The following SLC38A1 variants were observed in gnomAD, a reference collection of about 807,000 sequenced individuals.
SLC38A1 encodes solute carrier family 38 member 1.
SLC38A1 carries 18 observed loss-of-function variants against 60.3 expected under a neutral mutation model. The ratio of observed to expected loss-of-function variants is 0.30; its 90% CI spans 0.21 to 0.44. The LOEUF is 0.44. Ranked by LOEUF, SLC38A1 falls within the 20% of genes least tolerant of loss-of-function variation. SLC38A1 has a pLI of 1.00. For missense variants in SLC38A1, 448 were observed against 587.2 expected (o/e 0.76, Z 2.45); for synonymous variants, 196 against 212.1 (o/e 0.92, Z 0.66).
intron 5 of SLC38A1, among the ~76,000 whole-genome samples, chr12:46,228,058 C>T (rs986373934): frequency 6.6e-6 from 1 of 152,148 alleles, no homozygotes; most frequent in Non-Finnish European, 1.5e-5. Flanking sequence ...TAGAAAGATG[C>T]ATTCAGAGTG....
chr12:46,223,206 A>C (rs138400730), intron 5 of SLC38A1, among the ~76,000 whole-genome samples: 1 of 152,240 alleles, frequency 6.6e-6, no homozygotes, highest in Non-Finnish European at 1.5e-5. Context: ...CCTACTTTCT[A>C]ATGTGTGATC....
intron 1 of SLC38A1, among the ~76,000 whole-genome samples, chr12:46,249,992 G>T (rs1317222003): frequency 6.6e-6 from 1 of 152,054 alleles, no homozygotes; most frequent in East Asian, 1.9e-4. Flanking sequence ...ATTTTATGAG[G>T]CCCTCATCAT....
chr12:46,209,017 C>T (rs1440092711), intron 6 of SLC38A1, 37 bp downstream of exon 6: 1 of 1,427,746 alleles, frequency 7.0e-7, no homozygotes, highest in Non-Finnish European at 9.8e-7. Flanking sequence ...AATAATTCAC[C>T]CTGGTTTTAA....
chr12:46,228,306 T>C (rs148295266), intron 5 of SLC38A1, among the ~76,000 whole-genome samples: 120 of 152,334 alleles, frequency 7.9e-4, no homozygotes, highest in Non-Finnish European at 1.4e-3. Context: ...TGAAAGGATA[T>C]CCACAGTTTG....
chr12:46,202,979 A>G (rs752703882), intron 12 of SLC38A1, 31 bp downstream of exon 12: 1 of 1,563,936 alleles, frequency 6.4e-7, no homozygotes, highest in African/African-American at 1.4e-5. Flanking sequence ...ATGTAAAACG[A>G]TTAAGATAAA....
In SLC38A1 at chr12:46,239,777, G is replaced by A. The variant is rs775250368; in HGVS notation, c.24C>T (p.Leu8=). The A allele has an allele frequency of 1.6e-5, 26 of 1,612,778 alleles. No individual in the cohort carries two copies. In the South Asian group the frequency reaches 1.9e-4, roughly 12 times the overall value. Residue 8 remains leucine, a synonymous_variant, in exon 3 of 17, where the codon CTC becomes CTT. Transcript: ENST00000398637. Reference sequence around the variant, plus strand: ...TCATGTTTTGCAACTCAGTTAATTCGAGTCCACTTTTGAAATGCATCATGA... The same window carrying A: ...TCATGTTTTGCAACTCAGTTAATTCAAGTCCACTTTTGAAATGCATCATGA... MMHFKSG[L]ELTELQNMTV...
At chr12:46,198,401 C>A (rs1477828245) in intron 14 of SLC38A1, among the ~76,000 whole-genome samples, 1 of 152,122 alleles carries the variant, frequency 6.6e-6, no homozygotes, top group Non-Finnish European at 1.5e-5. Flanking sequence ...AGAACAGGGT[C>A]AGATTAATTA....
At chr12:46,215,792 G>T (rs1940383725) in intron 5 of SLC38A1, among the ~76,000 whole-genome samples, 1 of 152,122 alleles carries the variant, frequency 6.6e-6, no homozygotes, top group Admixed American at 6.5e-5. Flanking sequence ...GATCCAGTTA[G>T]AAGTATAAAA....
chr12:46,261,460 A>T (rs748746403), intron 1 of SLC38A1, among the ~76,000 whole-genome samples: 9 of 152,210 alleles, frequency 5.9e-5, no homozygotes, highest in Non-Finnish European at 1.0e-4. Context: ...GGTGACAGTA[A>T]ACACATGTTA....
At chr12:46,267,400 T>C (rs1592167902) in intron 1 of SLC38A1, 1 of 152,276 alleles carries the variant, frequency 6.6e-6, no homozygotes, top group Non-Finnish European at 1.5e-5. Context: ...AGCACCACCT[T>C]CCCCAGCCCA....
intron 1 of SLC38A1, among the ~76,000 whole-genome samples, chr12:46,244,323 C>G (rs1170926118): frequency 6.6e-6 from 1 of 152,186 alleles, no homozygotes; most frequent in African/African-American, 2.4e-5. Flanking sequence ...GTACCAAGGA[C>G]AGTACTGGCA....
intron 2 of SLC38A1, among the ~76,000 whole-genome samples, chr12:46,240,427 C>T (rs907168896): frequency 6.6e-6 from 1 of 152,170 alleles, no homozygotes; most frequent in Non-Finnish European, 1.5e-5. Flanking sequence ...AACTACTGAC[C>T]TCAGGTGATC....
intron 1 of SLC38A1, among the ~76,000 whole-genome samples, chr12:46,266,448 GCTGTTCCTTCTTC>G (rs1399466681): frequency 1.3e-5 from 2 of 151,966 alleles, no homozygotes; most frequent in Non-Finnish European, 2.9e-5. Context: ...ATAAGTACTT[GCTGTTCCTTCTTC>G]CTGTTCCTTC....
At chr12:46,252,085 A>G (rs1431886021) in intron 1 of SLC38A1, among the ~76,000 whole-genome samples, 2 of 152,172 alleles carry the variant, frequency 1.3e-5, no homozygotes, top group Non-Finnish European at 2.9e-5. Context: ...CTTGGAACCA[A>G]CCCAAATGTC....
At chr12:46,266,870 T>C (rs1364924617) in intron 1 of SLC38A1, among the ~76,000 whole-genome samples, 2 of 152,148 alleles carry the variant, frequency 1.3e-5, no homozygotes, top group African/African-American at 4.8e-5. Flanking sequence ...ATCGAGTGAC[T>C]CTCAAGAGAA....
At position 46,184,497 on chromosome 12, in the gene SLC38A1, T is replaced by C. The variant is rs1437291696; in HGVS notation, c.*4473A>G. Reference sequence around the variant, plus strand: ...TGATAAACTGAGAGAGACTAATAGATTTTGCTCTAAGGTATAAAATCCATT... The same window carrying C: ...TGATAAACTGAGAGAGACTAATAGACTTTGCTCTAAGGTATAAAATCCATT... On this transcript the variant is annotated 3_prime_UTR_variant, in exon 17 of 17. Transcript: ENST00000398637. 1 of 152,102 alleles carries C rather than the reference T, an allele frequency of 6.6e-6. No homozygotes were observed. Among genetic ancestry groups the C allele is most frequent in the Non-Finnish European group, 1.5e-5 (1 of 68,026 alleles). The allele number at this position is 152,102 out of a possible 1,614,324, so 9.4% of individuals were successfully genotyped here. A position where few individuals can be genotyped will look rare whatever the true frequency, so the allele number is the denominator to read the frequency against.
intron 16 of SLC38A1, among the ~76,000 whole-genome samples, chr12:46,193,095 T>A (rs1939214721): frequency 6.6e-6 from 1 of 152,194 alleles, no homozygotes; most frequent in South Asian, 2.1e-4. Context: ...CTGTACACAC[T>A]GCTTTAAATG....
At chr12:46,240,610 T>A (rs1941414454) in intron 2 of SLC38A1, among the ~76,000 whole-genome samples, 1 of 152,182 alleles carries the variant, frequency 6.6e-6, no homozygotes, top group Non-Finnish European at 1.5e-5. Flanking sequence ...GGTTTAGCAA[T>A]CCCAGCTTAA....
intron 16 of SLC38A1, 96 bp from the exon 17 acceptor site, chr12:46,189,167 T>C: frequency 1.2e-6 from 1 of 809,226 alleles, no homozygotes; most frequent in Non-Finnish European, 2.1e-6. Context: ...CCTCTCCCTT[T>C]GTGTCCTCTG....
Sources: gnomAD v4.1 joint callset for allele counts (sites outside exome capture counted in the v4.1 genomes callset) on GRCh38, gnomAD v4.1.1 for gene constraint, MANE v1.5 for transcripts, NCBI Gene and HGNC (gene_info 2026-07-23, HGNC 2026-07-21) for gene names.